Variants in POLK observed in about 807,000 individuals in gnomAD.
POLK encodes the protein DNA polymerase kappa.
In POLK, 76 loss-of-function variants were observed where a neutral mutation model predicts 94.0. The ratio of observed to expected loss-of-function variants is 0.81; its 90% CI spans 0.67 to 0.98. POLK has a LOEUF of 0.98. Ranked by LOEUF, POLK falls within the 50% of genes least tolerant of loss-of-function variation. The probability of loss-of-function intolerance (pLI) is 0.00; values close to 1 mark genes in which losing one functional copy is unlikely to be tolerated. For synonymous variants in POLK, 349 were observed against 325.4 expected (o/e 1.07, Z -0.78); for missense variants, 954 against 1,010.1 (o/e 0.94, Z 0.75).
intron 3 of POLK, among the ~76,000 whole-genome samples, chr5:75,559,493 G>C (rs111422207): frequency 2.1e-4 from 24 of 112,764 alleles, no homozygotes; most frequent in African/African-American, 7.7e-4. Flanking sequence ...GCAATTTATT[G>C]ATTTGGGGTT....
At position 75,597,190 on chromosome 5, in the gene POLK, A is replaced by C. The variant is rs779003689; in HGVS notation, c.2485+12A>C. On this transcript the variant is annotated intron_variant, in intron 13 of 14. Transcript: ENST00000241436. Reference sequence around the variant, plus strand: ...CTCCAGAAGTACTGGTAAGTGTGTAATTGTTTTAAACTGCATGATTTTCTA... The same window carrying C: ...CTCCAGAAGTACTGGTAAGTGTGTACTTGTTTTAAACTGCATGATTTTCTA... The C allele has an allele frequency of 2.0e-5, 26 of 1,306,934 alleles. No individual in the cohort carries two copies. Among genetic ancestry groups the C allele is most frequent in the Non-Finnish European group, 2.7e-5 (25 of 912,102 alleles). 81.0% of individuals were successfully genotyped at this position (1,306,934 alleles called of 1,614,324 possible).
At chr5:75,573,597 A>C (rs1040542968) in intron 4 of POLK, 141 bp from the exon 5 acceptor site, 1 of 685,348 alleles carries the variant, frequency 1.5e-6, no homozygotes, top group Non-Finnish European at 2.5e-6. Context: ...AAAACAACAA[A>C]AACAAAAACA....
At chr5:75,525,489 AAATT>A (rs1768794310) in intron 1 of POLK, among the ~76,000 whole-genome samples, 1 of 152,138 alleles carries the variant, frequency 6.6e-6, no homozygotes, top group Admixed American at 6.5e-5. Context: ...GTAAGGGAAA[AAATT>A]AAAAACAACA....
intron 4 of POLK, among the ~76,000 whole-genome samples, chr5:75,571,186 C>T (rs1771571714): frequency 6.6e-6 from 1 of 152,132 alleles, no homozygotes; most frequent in South Asian, 2.1e-4. Flanking sequence ...AAGATTACCC[C>T]TTTTGTATGT....
upstream of POLK, chr5:75,511,607 T>A: frequency 6.8e-7 from 1 of 1,467,828 alleles, no homozygotes; most frequent in South Asian, 1.4e-5. Context: ...ACCGCCGCCA[T>A]CTTCCTGCCT....
chr5:75,585,825 A>G (rs1354775271), intron 9 of POLK, among the ~76,000 whole-genome samples: 5 of 152,202 alleles, frequency 3.3e-5, no homozygotes, highest in African/African-American at 1.2e-4. Flanking sequence ...TCTTGTATTT[A>G]AACTAAAGGA....
rs1396431088 is a variant in POLK, at chr5:75,581,181, G to A, written c.695-28G>A. The A allele has an allele frequency of 5.3e-6, 8 of 1,497,036 alleles. No homozygotes were observed. The South Asian group carries it at 8.0e-5, about 15-fold the overall frequency. 92.7% of individuals were successfully genotyped at this position (1,497,036 alleles called of 1,614,324 possible). ...GAAGTATATACTTCTTAAAATAAAG[G>A]TGAGTTATTTTCCTGTTTATGACTT... On this transcript the variant is annotated intron_variant, in intron 6 of 14. Coordinates refer to ENST00000241436, the Ensembl canonical transcript of POLK.
At chr5:75,542,191 G>C (rs989555383) in intron 1 of POLK, among the ~76,000 whole-genome samples, 21 of 152,002 alleles carry the variant, frequency 1.4e-4, no homozygotes, top group Admixed American at 1.4e-3. Context: ...GTATATAAAG[G>C]TTTTCTGAGG....
In POLK at chr5:75,597,932, A is replaced by G; in HGVS notation, c.2529-2A>G. The stretch of plus-strand genomic sequence containing the variant: ...TTAATTGTGTGTTCCTTTTCATTCT[A>G]GGCCAGGATTGATGACAAAGTACTC... On this transcript the variant is annotated splice_acceptor_variant, in intron 14 of 14. Transcript: ENST00000241436. LOFTEE classifies it high-confidence loss of function. 1 of 1,434,206 alleles carries G rather than the reference A, an allele frequency of 7.0e-7. No homozygotes were observed. The highest frequency in any genetic ancestry group is 9.4e-7 in the Non-Finnish European group (1 of 1,064,548). The allele number at this position is 1,434,206 out of a possible 1,614,324, so 88.8% of individuals were successfully genotyped here.
chr5:75,597,797 TA>T lies in POLK; in HGVS notation c.2528+10del. ...TGTAACAAGAACAAAAAGGTATGGC[TA>T]ATTTGAGCTTTAATAAAGCTGGCTA... On this transcript the variant is annotated intron_variant, in intron 14 of 14. Coordinates refer to ENST00000241436, the Ensembl canonical transcript of POLK. The T allele has an allele frequency of 6.7e-7, 1 of 1,488,728 alleles. No individual in the cohort carries two copies. The highest frequency in any genetic ancestry group is 9.0e-7 in the Non-Finnish European group (1 of 1,108,070). 92.2% of individuals were successfully genotyped at this position (1,488,728 alleles called of 1,614,324 possible).
At chr5:75,511,335 A>G, upstream of POLK, 1 of 1,545,012 alleles carries the variant, frequency 6.5e-7, no homozygotes, top group Non-Finnish European at 8.7e-7. Flanking sequence ...TGTGGGGGGG[A>G]GCAGGAGGAG....
downstream of POLK, among the ~76,000 whole-genome samples, chr5:75,602,605 C>T (rs1393201252): frequency 5.3e-5 from 8 of 152,154 alleles, no homozygotes; most frequent in African/African-American, 1.9e-4. Flanking sequence ...TTTCCTGCCT[C>T]ACTTGAATAA....
At chr5:75,519,096 G>A (rs754563619) in intron 1 of POLK, among the ~76,000 whole-genome samples, 4 of 152,168 alleles carry the variant, frequency 2.6e-5, no homozygotes, top group Non-Finnish European at 4.4e-5. Context: ...AAAGTGCTGG[G>A]ATGATAGGCA....
chr5:75,554,054 T>C (rs1223620151), intron 3 of POLK, among the ~76,000 whole-genome samples: 1 of 152,158 alleles, frequency 6.6e-6, no homozygotes, highest in Non-Finnish European at 1.5e-5. Context: ...AAAGGGAAAA[T>C]ATTGAAGGCA....
chr5:75,601,622 C>A (rs1238519277), downstream of POLK, among the ~76,000 whole-genome samples: 1 of 152,186 alleles, frequency 6.6e-6, no homozygotes, highest in Admixed American at 6.5e-5. Flanking sequence ...CTCCGTCTTT[C>A]TCCTGTGCTG....
intron 3 of POLK, among the ~76,000 whole-genome samples, chr5:75,559,949 A>G (rs914102265): frequency 2.6e-5 from 4 of 152,242 alleles, no homozygotes; most frequent in African/African-American, 9.6e-5. Context: ...ATGTAATAGA[A>G]ATGGGATATT....
chr5:75,574,079 A>G (rs1195496652), intron 5 of POLK, among the ~76,000 whole-genome samples: 3 of 152,174 alleles, frequency 2.0e-5, no homozygotes, highest in Admixed American at 6.6e-5. Context: ...TTGCCTTTCC[A>G]TGCAGTTTTC....
rs930396887 is a variant in POLK at position 75,560,350 on chromosome 5, G to C, written c.255+7759G>C. Among the ~76,000 whole-genome samples the C allele has an allele frequency of 2.6e-5, 4 of 152,170 alleles. No homozygotes were observed. In the South Asian group the frequency reaches 8.3e-4, roughly 32 times the overall value. On this transcript the variant is annotated intron_variant, in intron 3 of 14. Transcript: ENST00000241436. ...ATCCCTAGATAGGTGCATTACATGG[G>C]TGTCTCTTTTAATTCTTTCAATAAC...
chr5:75,584,869 C>G, exon 9 of POLK: 1 of 1,606,856 alleles, frequency 6.2e-7, no homozygotes, highest in Middle Eastern at 1.7e-4. Flanking sequence ...TTCTCTGAAA[C>G]ATCTTGGCAT....
Sources: gnomAD v4.1 joint callset for allele counts (sites outside exome capture counted in the v4.1 genomes callset) on GRCh38, gnomAD v4.1.1 for gene constraint, MANE v1.5 for transcripts, NCBI Gene and HGNC (gene_info 2026-07-23, HGNC 2026-07-21) for gene names.